The following DYNC1I1 variants were observed in gnomAD, a reference collection of about 807,000 sequenced individuals.
The protein encoded by DYNC1I1 is cytoplasmic dynein 1 intermediate chain 1.
Under a neutral mutation model 86.6 loss-of-function variants are expected in DYNC1I1, and 43 were observed. The observed-to-expected ratio is 0.50, with a 90% CI of 0.39 to 0.64. DYNC1I1 has a LOEUF of 0.64. DYNC1I1 is among the 30% of genes least tolerant of loss of function. The pLI is 0.00. For synonymous variants in DYNC1I1, 262 were observed against 283.7 expected, an observed-to-expected ratio of 0.92 and a Z score of 0.77; for missense variants, 604 against 788.8, an observed-to-expected ratio of 0.77 and a Z score of 2.81.
chr7:95,818,737 T>C (rs1795007325), intron 4 of DYNC1I1: 1 of 422,982 alleles, frequency 2.4e-6, no homozygotes, highest in Non-Finnish European at 4.2e-6. Flanking sequence ...AAAAACATCA[T>C]GTTTCCACCA....
intron 1 of DYNC1I1, among the ~76,000 whole-genome samples, chr7:95,786,863 A>G (rs1794162024): frequency 6.6e-6 from 1 of 151,916 alleles, no homozygotes; most frequent in South Asian, 2.1e-4. Context: ...CTGCTAAAGG[A>G]GTTTGGGGTT....
chr7:95,823,555 C>G (rs377132427), intron 4 of DYNC1I1, among the ~76,000 whole-genome samples: 2 of 151,920 alleles, frequency 1.3e-5, no homozygotes, highest in African/African-American at 4.8e-5. Flanking sequence ...TTTCTTTTAC[C>G]AAAATGGAAA....
chr7:96,053,313 C>T (rs1789462570), intron 14 of DYNC1I1, among the ~76,000 whole-genome samples: 1 of 152,188 alleles, frequency 6.6e-6, no homozygotes, highest in African/African-American at 2.4e-5. Flanking sequence ...TCTGTAAATA[C>T]ATTGCCACAC....
intron 1 of DYNC1I1, among the ~76,000 whole-genome samples, chr7:95,790,441 C>T (rs1296517742): frequency 6.6e-6 from 1 of 152,192 alleles, no homozygotes; most frequent in African/African-American, 2.4e-5. Flanking sequence ...CACCACTCAC[C>T]TGTGCTTTCC....
At chr7:95,944,533 C>G (rs1417692106) in intron 6 of DYNC1I1, among the ~76,000 whole-genome samples, 1 of 152,076 alleles carries the variant, frequency 6.6e-6, no homozygotes, top group East Asian at 1.9e-4. Flanking sequence ...GGTATATACC[C>G]AAAGGACTAT....
In DYNC1I1 at chr7:96,069,058, G is replaced by A. The variant is rs935571330; in HGVS notation, c.1510-6999G>A. Reference sequence around the variant, plus strand: ...CCCTGATACAACCACATATCTAGCTGCCTCTAGGTCCAGTCCATCCTCATC... The same window carrying A: ...CCCTGATACAACCACATATCTAGCTACCTCTAGGTCCAGTCCATCCTCATC... On this transcript the variant is annotated intron_variant, in intron 14 of 16. Transcript: ENST00000447467. Among the ~76,000 whole-genome samples the A allele has an allele frequency of 2.6e-5, 4 of 152,016 alleles. No individual in the cohort carries two copies. In the East Asian group the frequency reaches 7.7e-4, roughly 29 times the overall value.
At chr7:95,871,271 C>T (rs1790159383) in intron 6 of DYNC1I1, among the ~76,000 whole-genome samples, 1 of 152,170 alleles carries the variant, frequency 6.6e-6, no homozygotes, top group Non-Finnish European at 1.5e-5. Context: ...AAACAAGTAG[C>T]ACCCTCTGCT....
intron 5 of DYNC1I1, among the ~76,000 whole-genome samples, 186 bp from the exon 6 acceptor site, chr7:95,869,697 G>A (rs1204865743): frequency 5.9e-5 from 9 of 152,158 alleles, no homozygotes; most frequent in Non-Finnish European, 1.2e-4. Flanking sequence ...TAGGGCCAAC[G>A]TGGGCCAAGA....
At position 96,080,445 on chromosome 7, in the gene DYNC1I1, T is replaced by C. The variant is rs781314687; in HGVS notation, c.1733T>C (p.Val578Ala). The C allele has an allele frequency of 1.1e-4, 179 of 1,614,062 alleles. No homozygotes were observed. The highest frequency in any genetic ancestry group is 1.5e-4 in the Non-Finnish European group (172 of 1,180,024). ...RWAQAGKEVA[V>A]GDSEGRIWVY... is the part of the protein sequence containing the mutation. ...GCCCAAGCTGGCAAAGAAGTTGCTGTTGGGGACTCGGAAGGCCGTATTTGG... is the reference window on the plus strand; with the variant it reads ...GCCCAAGCTGGCAAAGAAGTTGCTGCTGGGGACTCGGAAGGCCGTATTTGG... The change falls in exon 16 of 17, where the codon GTT becomes GCT. Residue 578 changes from valine (V) to alanine (A), a missense_variant. Coordinates refer to ENST00000447467, the MANE Select transcript of DYNC1I1 (RefSeq NM_001135556.2).
At chr7:95,971,445 A>T (rs1409037304) in intron 6 of DYNC1I1, among the ~76,000 whole-genome samples, 1 of 152,226 alleles carries the variant, frequency 6.6e-6, no homozygotes, top group East Asian at 1.9e-4. Flanking sequence ...AATTATATAA[A>T]AGTGGCCAGG....
chr7:95,824,149 C>T (rs955840897), intron 4 of DYNC1I1, among the ~76,000 whole-genome samples: 1 of 150,816 alleles, frequency 6.6e-6, no homozygotes. Flanking sequence ...CACCACCATA[C>T]CCGGCTAATT....
At chr7:95,961,839 A>G (rs889221094) in intron 6 of DYNC1I1, among the ~76,000 whole-genome samples, 3 of 152,216 alleles carry the variant, frequency 2.0e-5, no homozygotes. Context: ...CTGCGCCATC[A>G]AAACTGAAGG....
intron 14 of DYNC1I1, among the ~76,000 whole-genome samples, chr7:96,049,257 CAAAAAAAAAAAAA>C (rs200677000): frequency 6.6e-5 from 5 of 76,060 alleles, no homozygotes; most frequent in Non-Finnish European, 1.3e-4. Context: ...GACTCCATCT[CAAAAAAAAAAAAA>C]AAAAAAAAAA....
intron 6 of DYNC1I1, among the ~76,000 whole-genome samples, chr7:95,897,737 A>AC (rs1554406987): frequency 6.7e-6 from 1 of 148,452 alleles, no homozygotes; most frequent in Non-Finnish European, 1.5e-5. Context: ...AGTTGAGTTG[A>AC]TTTTTTTTTT....
downstream of DYNC1I1, among the ~76,000 whole-genome samples, chr7:96,102,571 C>T (rs139611333): frequency 6.3e-4 from 96 of 152,280 alleles, 1 homozygote; most frequent in African/African-American, 2.1e-3. Context: ...TAACATATTC[C>T]ATATCTAAGA....
chr7:96,100,270 T>C (rs945550122), downstream of DYNC1I1, among the ~76,000 whole-genome samples: 9 of 152,160 alleles, frequency 5.9e-5, no homozygotes, highest in Admixed American at 1.3e-4. Context: ...TAAAACTTTC[T>C]CAGAACTGTA....
At chr7:95,943,480 A>G (rs1229739763) in intron 6 of DYNC1I1, among the ~76,000 whole-genome samples, 4 of 144,150 alleles carry the variant, frequency 2.8e-5, no homozygotes, top group Non-Finnish European at 6.1e-5. Context: ...TGCCATCCCC[A>G]TCAAGCTACC....
chr7:95,985,959 GATTTTGTTGGTCCT>G (rs1467498090), intron 8 of DYNC1I1, among the ~76,000 whole-genome samples: 1 of 150,120 alleles, frequency 6.7e-6, no homozygotes, highest in Non-Finnish European at 1.5e-5. Context: ...TGACTTTCTT[GATTTTGTTGGTCCT>G]ATTTCCCTCT....
intron 6 of DYNC1I1, among the ~76,000 whole-genome samples, chr7:95,879,955 T>C (rs1417831338): frequency 6.6e-6 from 1 of 152,184 alleles, no homozygotes. Context: ...CCAGACCAGT[T>C]AGAGTTACGT....
Sources: gnomAD v4.1 joint callset for allele counts (sites outside exome capture counted in the v4.1 genomes callset) on GRCh38, gnomAD v4.1.1 for gene constraint, MANE v1.5 for transcripts, NCBI Gene and HGNC (gene_info 2026-07-23, HGNC 2026-07-21) for gene names.